The following PIGB variants were observed in gnomAD, a reference collection of about 807,000 sequenced individuals.
The protein encoded by PIGB is GPI alpha-1,2-mannosyltransferase 3.
In PIGB, 58 loss-of-function variants were observed where a neutral mutation model predicts 68.4. The observed-to-expected ratio is 0.85, with a 90% CI of 0.69 to 1.06. The LOEUF (loss-of-function observed/expected upper bound fraction) is 1.06. Among genes scored for constraint, PIGB ranks in the 50% least tolerant of loss-of-function variants. The pLI is 0.00. For missense variants in PIGB, 634 were observed against 655.8 expected (o/e 0.97, Z 0.36); for synonymous variants, 219 against 220.5 (o/e 0.99, Z 0.06).
chr15:55,329,341 G>A (rs2055362475), intron 4 of PIGB, among the ~76,000 whole-genome samples: 1 of 152,078 alleles, frequency 6.6e-6, no homozygotes, highest in Non-Finnish European at 1.5e-5. Flanking sequence ...ACTTGTGTCA[G>A]TACTATAAGA....
intron 3 of PIGB, among the ~76,000 whole-genome samples, chr15:55,327,213 T>C (rs1217625074): frequency 1.6e-5 from 2 of 127,044 alleles, no homozygotes; most frequent in East Asian, 8.1e-4. Flanking sequence ...ATCATATTTA[T>C]ATATAAATAT....
At chr15:55,325,896 A>G (rs1321151755) in intron 3 of PIGB, among the ~76,000 whole-genome samples, 2 of 151,806 alleles carry the variant, frequency 1.3e-5, no homozygotes, top group Non-Finnish European at 2.9e-5. Flanking sequence ...AGCTTGGGCG[A>G]CAGAGCAAGA....
At chr15:55,332,542 T>A (rs1197277012) in intron 5 of PIGB, among the ~76,000 whole-genome samples, 3 of 151,996 alleles carry the variant, frequency 2.0e-5, no homozygotes, top group African/African-American at 4.8e-5. Context: ...AGCTAATTTT[T>A]TTCTATCTTT....
At chr15:55,353,027 G>A (rs1049016237) in intron 10 of PIGB, among the ~76,000 whole-genome samples, 1 of 152,164 alleles carries the variant, frequency 6.6e-6, no homozygotes, top group Non-Finnish European at 1.5e-5. Context: ...CCTACTATAT[G>A]TATATGTGGC....
intron 6 of PIGB, 46 bp downstream of exon 6, chr15:55,334,053 TC>T: frequency 7.1e-7 from 1 of 1,402,730 alleles, no homozygotes; most frequent in Non-Finnish European, 9.6e-7. Flanking sequence ...AGCCTACAAA[TC>T]ACAGATTACG....
Position 55,321,253 on chromosome 15 carries a change from T to A in PIGB, c.300-20T>A. ...AATAGGTTTCAATATTATTGGACAT[T>A]TACTCCTTAATGTTACTAATTATGG... On this transcript the variant is annotated intron_variant, in intron 2 of 11. Coordinates refer to ENST00000164305, the MANE Select transcript of PIGB (RefSeq NM_004855.5). The A allele has an allele frequency of 2.6e-6, 4 of 1,558,158 alleles. No individual in the cohort carries two copies. The highest frequency in any genetic ancestry group is 3.5e-6 in the Non-Finnish European group (4 of 1,155,978).
At chr15:55,342,859 T>C (rs935571801) in intron 9 of PIGB, among the ~76,000 whole-genome samples, 4 of 152,166 alleles carry the variant, frequency 2.6e-5, no homozygotes, top group South Asian at 2.1e-4. Context: ...AAATTACGAA[T>C]TGAAACTTTA....
chr15:55,337,888 A>C (rs2055573322), intron 6 of PIGB, among the ~76,000 whole-genome samples: 1 of 152,252 alleles, frequency 6.6e-6, no homozygotes, highest in Non-Finnish European at 1.5e-5. Flanking sequence ...TCTCACAAGC[A>C]CAATGACTAA....
chr15:55,319,449 C>A, intron 1 of PIGB, 36 bp downstream of exon 1: 1 of 1,516,404 alleles, frequency 6.6e-7, no homozygotes, highest in Non-Finnish European at 8.9e-7. Context: ...AGCTCCTACC[C>A]CCATCTAAAA....
chr15:55,354,172 G>A lies in PIGB; in HGVS notation c.1338-626G>A, dbSNP rs146410932. Among the ~76,000 whole-genome samples, 160 of 151,908 alleles carry A rather than the reference G, an allele frequency of 1.1e-3. 1 individual carries two copies. The highest frequency in any genetic ancestry group is 3.7e-3 in the African/African-American group (154 of 41,448). ...ACTAAAAAAATACAAAAATCAGCCA[G>A]GCGTGGTTGGCGGGCGCCTGTAATC... On this transcript the variant is annotated intron_variant, in intron 10 of 11. Coordinates refer to ENST00000164305, the MANE Select transcript of PIGB (RefSeq NM_004855.5).
intron 8 of PIGB, among the ~76,000 whole-genome samples, chr15:55,341,116 C>T (rs1265834576): frequency 6.6e-6 from 1 of 150,694 alleles, no homozygotes; most frequent in Non-Finnish European, 1.5e-5. Context: ...AATTTCAATA[C>T]TTTGAAGGCC....
At chr15:55,336,457 C>T (rs986176393) in intron 6 of PIGB, among the ~76,000 whole-genome samples, 2 of 152,162 alleles carry the variant, frequency 1.3e-5, no homozygotes, top group Non-Finnish European at 2.9e-5. Flanking sequence ...ACGTACTGAA[C>T]ATCACAGCTT....
chr15:55,354,755 C>A, intron 10 of PIGB, 43 bp from the exon 11 acceptor site: 1 of 1,473,548 alleles, frequency 6.8e-7, no homozygotes, highest in South Asian at 1.3e-5. Flanking sequence ...TGAAAACTTT[C>A]ATGTTTTACT....
In PIGB at chr15:55,355,401, A is replaced by G; in HGVS notation, c.1634A>G (p.Lys545Arg). Residue 545 changes from lysine to arginine, a missense_variant, in exon 12 of 12, where the codon AAA becomes AGA. Lys to Arg is a conservative substitution (Grantham distance 26). Transcript: ENST00000164305. ...SHIYVYERKLKGKFNMKMKF is the reference protein window; with the variant it reads ...SHIYVYERKLRGKFNMKMKF ...ATATATGTCTATGAACGGAAGTTAA[A>G]AGGGAAATTCAACATGAAGATGAAA... is the stretch of plus-strand genomic sequence containing the variant. 6.2e-7 allele frequency: 1 copy of G among 1,609,408 alleles called. No homozygotes were observed. Among genetic ancestry groups the G allele is most frequent in the African/African-American group, 1.3e-5 (1 of 74,878 alleles).
Position 55,341,802 on chromosome 15 carries a change from G to C in PIGB, c.1123G>C (p.Gly375Arg). 7.1e-7 allele frequency: 1 copy of C among 1,400,902 alleles called. No individual in the cohort carries two copies. Among genetic ancestry groups the C allele is most frequent in the African/African-American group, 1.4e-5 (1 of 69,244 alleles). 86.8% of individuals were successfully genotyped at this position (1,400,902 alleles called of 1,614,324 possible). A position where few individuals can be genotyped will look rare whatever the true frequency, so the allele number is the denominator to read the frequency against. ...PVLPFCMVFC[G>R]YSLTHLKTWK... ...TTTACCATTCTGTATGGTGTTCTGTGGTAAGTGCTTTTGTTTGTTATAGAA... is the reference window on the plus strand; with the variant it reads ...TTTACCATTCTGTATGGTGTTCTGTCGTAAGTGCTTTTGTTTGTTATAGAA... The change falls in exon 9 of 12, where the codon GGA becomes CGA. Residue 375 changes from glycine (G) to arginine (R), a missense_variant and splice_region_variant. By Grantham distance (125) the Gly-to-Arg change is moderately radical. Coordinates refer to ENST00000164305, the MANE Select transcript of PIGB (RefSeq NM_004855.5).
At chr15:55,346,609 T>C (rs2055800377) in intron 9 of PIGB, 1 of 152,204 alleles carries the variant, frequency 6.6e-6, no homozygotes, top group Admixed American at 6.5e-5. Flanking sequence ...AAGGAACCTA[T>C]ACTTTAGTCA....
intron 9 of PIGB, chr15:55,343,462 A>T (rs1022285042): frequency 7.9e-5 from 12 of 152,106 alleles, no homozygotes; most frequent in African/African-American, 2.7e-4. Context: ...GGGGACGGGG[A>T]GGTTGGTTAG....
intron 9 of PIGB, chr15:55,350,362 C>G (rs1369754435): frequency 1.9e-5 from 5 of 263,654 alleles, no homozygotes; most frequent in South Asian, 7.0e-5. Context: ...AGGGCAGTCA[C>G]TGGACATTTT....
At chr15:55,346,987 G>A (rs1254065841) in intron 9 of PIGB, among the ~76,000 whole-genome samples, 1 of 152,172 alleles carries the variant, frequency 6.6e-6, no homozygotes, top group Non-Finnish European at 1.5e-5. Context: ...AAACCCCTCA[G>A]AGGCCTTAAA....
Sources: allele counts gnomAD v4.1 joint callset (sites outside exome capture counted in the v4.1 genomes callset), GRCh38; gene constraint gnomAD v4.1.1; transcripts MANE v1.5; gene names NCBI Gene and HGNC (gene_info 2026-07-23, HGNC 2026-07-21).